Variants in MRM1 observed in about 807,000 individuals in gnomAD.
MRM1 encodes the protein rRNA methyltransferase 1, mitochondrial.
In MRM1, 24 loss-of-function variants were observed where a neutral mutation model predicts 25.0. The ratio of observed to expected loss-of-function variants is 0.96; its 90% confidence interval spans 0.69 to 1.35. The LOEUF (loss-of-function observed/expected upper bound fraction) is 1.35, where lower values mean the gene tolerates loss of function less well. Among genes scored for constraint, MRM1 ranks in the 40% most tolerant of loss-of-function variants. The pLI is 0.00. For missense variants in MRM1, 431 were observed against 464.1 expected, an observed-to-expected ratio of 0.93 and a Z score of 0.65; for synonymous variants, 188 against 199.2, an observed-to-expected ratio of 0.94 and a Z score of 0.47.
Position 36,602,439 on chromosome 17 carries a change from CCA to C in MRM1, c.542+88_542+89del, listed in dbSNP as rs1434460976. 1 of 1,570,350 alleles carries C rather than the reference CCA, an allele frequency of 6.4e-7. No individual in the cohort carries two copies. Among genetic ancestry groups the C allele is most frequent in the African/African-American group, 1.4e-5 (1 of 73,942 alleles). On this transcript the variant is annotated intron_variant, in intron 1 of 4. Coordinates refer to ENST00000614766, the MANE Select transcript of MRM1 (RefSeq NM_024864.5). This position sits in a 1 kb window ranked among gnomAD's most constrained non-coding sequence, Gnocchi z 4.1. ...CCTTGGCCCTTGGGTGATCCCTTAG[CCA>C]GACTTACCTGTCCCAGAACTCTCAT...
At chr17:36,634,569 C>G in the MRM1 span, 1 of 152,178 alleles carries the variant, frequency 6.6e-6, no homozygotes, top group Non-Finnish European at 1.5e-5. Flanking sequence ...CCTGTCTTGT[C>G]GTTTTAATGG....
chr17:36,609,250 T>C (rs2142843975), downstream of MRM1, among the ~76,000 whole-genome samples: 1 of 152,080 alleles, frequency 6.6e-6, no homozygotes, highest in African/African-American at 2.4e-5. Context: ...GAGCCAGCAG[T>C]GTGAGGAGCA....
Position 36,602,261 on chromosome 17 carries a change from G to A in MRM1, c.451G>A (p.Asp151Asn), listed in dbSNP as rs568437431. 3 of 1,605,638 alleles carry A rather than the reference G, an allele frequency of 1.9e-6. No homozygotes were observed. Among genetic ancestry groups the A allele is most frequent in the Non-Finnish European group, 2.6e-6 (3 of 1,175,148 alleles). The change falls in exon 1 of 5, where the codon GAT becomes AAT. Residue 151 changes from aspartate (D) to asparagine (N), a missense_variant. Physicochemically the swap from Asp to Asn is conservative, Grantham distance 23 (BLOSUM62 1). Transcript: ENST00000614766. The surrounding 1 kb of genome is among the most constrained non-coding windows in gnomAD (Gnocchi z 4.1). ...DDPQQLWLVL[D>N]GIQDPRNFGA... ...CCCCCAGCAGTTGTGGCTCGTCCTC[G>A]ATGGGATCCAGGATCCCCGGAATTT...
the MRM1 span, among the ~76,000 whole-genome samples, chr17:36,619,043 G>T: frequency 1.3e-5 from 2 of 152,108 alleles, no homozygotes; most frequent in Non-Finnish European, 2.9e-5. Context: ...CCTTTAAACC[G>T]CAGCTCCCCA....
chr17:36,609,345 G>T (rs2074959820), downstream of MRM1, among the ~76,000 whole-genome samples: 1 of 152,238 alleles, frequency 6.6e-6, no homozygotes, highest in South Asian at 2.1e-4. Flanking sequence ...AGTCTGACAT[G>T]ATGGGTGTGG....
the MRM1 span, among the ~76,000 whole-genome samples, chr17:36,628,362 G>C: frequency 1.3e-5 from 2 of 152,194 alleles, no homozygotes; most frequent in African/African-American, 2.4e-5. Context: ...TTCTCTAACT[G>C]TGCCTGGGAA....
At chr17:36,613,040 TG>T (rs2074986133), downstream of MRM1, among the ~76,000 whole-genome samples, 2 of 152,046 alleles carry the variant, frequency 1.3e-5, no homozygotes, top group Admixed American at 6.5e-5. Context: ...GATCCCCCTT[TG>T]TCAGGGCTCC....
At chr17:36,626,423 C>T in the MRM1 span, among the ~76,000 whole-genome samples, 4 of 152,166 alleles carry the variant, frequency 2.6e-5, no homozygotes, top group Non-Finnish European at 4.4e-5. Flanking sequence ...AGTGCAGTGG[C>T]GTGATCTCGG....
chr17:36,607,835 T>C, intron 3 of MRM1, 33 bp downstream of exon 3: 1 of 1,612,004 alleles, frequency 6.2e-7, no homozygotes, highest in Non-Finnish European at 8.5e-7. Flanking sequence ...GTGCCCAGAT[T>C]ACATTTCCCG....
Position 36,607,787 on chromosome 17 carries a change from A to C in MRM1, c.754A>C (p.Thr252Pro), listed in dbSNP as rs779165279. 4.3e-6 allele frequency: 7 copies of C among 1,613,816 alleles called. No individual in the cohort carries two copies. In the East Asian group the frequency reaches 8.9e-5, roughly 21 times the overall value. Residue 252 changes from threonine to proline, a missense_variant, in exon 3 of 5, where the codon ACT becomes CCT. By Grantham distance (38) the Thr-to-Pro change is conservative. Transcript: ENST00000614766. Reference protein sequence around the residue: ...SCLEFLWERPTLLVLGNEGSG... With the variant: ...SCLEFLWERPPLLVLGNEGSG... ...CTTGGAGTTCCTCTGGGAACGGCCT[A>C]CTCTCCTTGTGCTGGGTAGGTGGAT... is the stretch of plus-strand genomic sequence containing the variant.
chr17:36,614,830 A>G, the MRM1 span, among the ~76,000 whole-genome samples: 2 of 152,206 alleles, frequency 1.3e-5, no homozygotes, highest in East Asian at 1.9e-4. Flanking sequence ...TAGTTATTTT[A>G]TGGGCAAAAC....
the MRM1 span, among the ~76,000 whole-genome samples, chr17:36,616,561 G>C: frequency 6.6e-6 from 1 of 152,294 alleles, no homozygotes; most frequent in African/African-American, 2.4e-5. Flanking sequence ...CCCTGAGGCC[G>C]ACACACACTC....
chr17:36,608,235 CTG>C lies in MRM1; in HGVS notation c.890-5_890-4del. 3.2e-6 allele frequency: 5 copies of C among 1,553,860 alleles called. No homozygotes were observed. The highest frequency in any genetic ancestry group is 4.4e-6 in the Non-Finnish European group (5 of 1,148,956). ...GTCCTCTCTTCCCTTGTCCTTGTGT[CTG>C]TGCAGGAATTCTTCTTCACTCCATT... On this transcript the variant is annotated splice_polypyrimidine_tract_variant and splice_region_variant and intron_variant, in intron 4 of 4. Coordinates refer to ENST00000614766, the MANE Select transcript of MRM1 (RefSeq NM_024864.5).
the MRM1 span, among the ~76,000 whole-genome samples, chr17:36,618,495 T>C: frequency 6.6e-6 from 1 of 152,030 alleles, no homozygotes; most frequent in African/African-American, 2.4e-5. Context: ...CCTGAGAGCA[T>C]TTCAAGCAGT....
the MRM1 span, among the ~76,000 whole-genome samples, chr17:36,624,017 G>C: frequency 3.3e-5 from 5 of 152,178 alleles, no homozygotes; most frequent in Non-Finnish European, 2.9e-5. The surrounding 1 kb of genome is among the most constrained non-coding windows in gnomAD (Gnocchi z 4.0). Context: ...TTGTGGCCAA[G>C]CCTTGGATTC....
chr17:36,625,342 T>TCTTCC, the MRM1 span, among the ~76,000 whole-genome samples: 2,059 of 149,230 alleles, frequency 0.014, 42 homozygotes, highest in African/African-American at 0.043. Context: ...CTCCTTCGCC[T>TCTTCC]TCTTCTTCTT....
chr17:36,630,709 C>G, the MRM1 span, among the ~76,000 whole-genome samples: 610 of 152,212 alleles, frequency 4.0e-3, 4 homozygotes, highest in African/African-American at 0.014. Context: ...ACCCTCGACT[C>G]CTGGGGGAGA....
At chr17:36,618,579 G>A in the MRM1 span, among the ~76,000 whole-genome samples, 1 of 152,128 alleles carries the variant, frequency 6.6e-6, no homozygotes, top group South Asian at 2.1e-4. Flanking sequence ...CTGGAGAGAG[G>A]TAAGGAGGGA....
chr17:36,604,699 G>A (rs2074912313), intron 2 of MRM1, among the ~76,000 whole-genome samples: 1 of 152,012 alleles, frequency 6.6e-6, no homozygotes, highest in Non-Finnish European at 1.5e-5. Flanking sequence ...CCAGCTACTC[G>A]GGAGGCGGAG....
Sources: allele counts gnomAD v4.1 joint callset (sites outside exome capture counted in the v4.1 genomes callset), GRCh38; gene constraint gnomAD v4.1.1; non-coding constraint Gnocchi (gnomAD v3.1); transcripts MANE v1.5; gene names NCBI Gene and HGNC (gene_info 2026-07-23, HGNC 2026-07-21).